Variants in CDH9 observed in about 807,000 individuals in gnomAD.
CDH9 encodes cadherin 9, also known as cadherin-9.
CDH9 carries 28 observed loss-of-function variants against 70.9 expected under a neutral mutation model. That is an observed-to-expected ratio of 0.40 (90% CI 0.29 to 0.54). The LOEUF (loss-of-function observed/expected upper bound fraction) is 0.54, where lower values mean the gene tolerates loss of function less well. Ranked by LOEUF, CDH9 falls within the 20% of genes least tolerant of loss-of-function variation. The pLI is 0.59. For synonymous variants in CDH9, 409 were observed against 343.1 expected (o/e 1.19, Z -2.12); for missense variants, 874 against 984.4 (o/e 0.89, Z 1.50).
Position 27,014,076 on chromosome 5 carries a change from C to G in CDH9, c.-50+24387G>C, listed in dbSNP as rs116893739. On this transcript the variant is annotated intron_variant, in intron 1 of 11. Coordinates refer to ENST00000231021, the MANE Select transcript of CDH9 (RefSeq NM_016279.4). ...CATTCAACAGCTGTGATTGAACAGA[C>G]AAAAGCAAGGCCACTGTACATCTCA... Among the ~76,000 whole-genome samples, 33 of 152,066 alleles carry G rather than the reference C, an allele frequency of 2.2e-4. 1 individual carries two copies. In the East Asian group the frequency reaches 5.6e-3, roughly 26 times the overall value.
chr5:26,890,637 G>T (rs112654898), intron 7 of CDH9, 73 bp from the exon 8 acceptor site: 1 of 1,039,754 alleles, frequency 9.6e-7, no homozygotes, highest in Non-Finnish European at 1.5e-6. Context: ...TAAAGCTATA[G>T]GTAATTTCCA....
intron 1 of CDH9, among the ~76,000 whole-genome samples, chr5:27,005,591 G>C (rs918616450): frequency 6.6e-6 from 1 of 152,124 alleles, no homozygotes; most frequent in African/African-American, 2.4e-5. Flanking sequence ...TTCAACTACT[G>C]TGGAAAGCAG....
rs540009872 is a variant in CDH9 at position 26,929,372 on chromosome 5, G to A, written c.229-13448C>T. 9.2e-5 allele frequency among the ~76,000 whole-genome samples: 14 copies of A among 151,998 alleles called. No homozygotes were observed. The South Asian group carries it at 1.7e-3, about 18-fold the overall frequency. On this transcript the variant is annotated intron_variant, in intron 2 of 11. Coordinates refer to ENST00000231021, the MANE Select transcript of CDH9 (RefSeq NM_016279.4). ...TGGTGAGGATATCAGGAAAAGACAC[G>A]CCTTGTATATTGTTGGCAGGAATGT...
At chr5:27,030,441 G>C (rs1462652879) in intron 1 of CDH9, among the ~76,000 whole-genome samples, 1 of 151,080 alleles carries the variant, frequency 6.6e-6, no homozygotes, top group East Asian at 2.0e-4. Flanking sequence ...CGTCTTTGAA[G>C]TAAAAGAGTG....
chr5:27,024,838 G>T (rs940010086), intron 1 of CDH9, among the ~76,000 whole-genome samples: 4 of 152,182 alleles, frequency 2.6e-5, no homozygotes, highest in Admixed American at 6.6e-5. Context: ...CTCTGTAGCT[G>T]AAAACATAGG....
intron 1 of CDH9, among the ~76,000 whole-genome samples, chr5:27,024,717 T>C (rs1743193115): frequency 6.6e-6 from 1 of 152,124 alleles, no homozygotes; most frequent in Admixed American, 6.6e-5. Flanking sequence ...AACTGATATT[T>C]GGAGAAATGA....
chr5:26,897,788 T>G (rs1740779662), intron 7 of CDH9, among the ~76,000 whole-genome samples: 1 of 152,084 alleles, frequency 6.6e-6, no homozygotes, highest in African/African-American at 2.4e-5. Context: ...TCACCACTCC[T>G]ATTCATTCAA....
chr5:27,012,021 G>A (rs1742967788), intron 1 of CDH9, among the ~76,000 whole-genome samples: 1 of 151,860 alleles, frequency 6.6e-6, no homozygotes, highest in South Asian at 2.1e-4. Context: ...TTCCAAAACA[G>A]AATAGGGACT....
intron 1 of CDH9, among the ~76,000 whole-genome samples, chr5:26,998,695 C>T (rs1330012735): frequency 2.6e-5 from 4 of 151,078 alleles, no homozygotes; most frequent in East Asian, 2.0e-4. Context: ...CTGACCTGCA[C>T]GTTGTGCACA....
At chr5:26,967,371 C>T (rs1313414259) in intron 2 of CDH9, among the ~76,000 whole-genome samples, 1 of 152,174 alleles carries the variant, frequency 6.6e-6, no homozygotes, top group Non-Finnish European at 1.5e-5. Context: ...AGTAGACTTG[C>T]TCATGAGTTT....
intron 7 of CDH9, among the ~76,000 whole-genome samples, chr5:26,891,539 A>C (rs1208194518): frequency 6.6e-6 from 1 of 151,998 alleles, no homozygotes; most frequent in Non-Finnish European, 1.5e-5. Flanking sequence ...TTAGCCAGGC[A>C]TGGTGGCAGA....
At position 26,902,564 on chromosome 5, in the gene CDH9, A is replaced by G; in HGVS notation, c.1165T>C (p.Leu389=). The G allele has an allele frequency of 6.3e-7, 1 of 1,594,358 alleles. No homozygotes were observed. The highest frequency in any genetic ancestry group is 8.6e-7 in the Non-Finnish European group (1 of 1,162,402). ...TTTACATCTTCATCTACTTCTATCA[A>G]GTAAGAGACTTTAGTGAACACAGGA... ...EPPVFTKVSY[L]IEVDEDVKEG... Residue 389 remains leucine (L), a synonymous_variant, in exon 7 of 12, where the codon TTG becomes CTG. Coordinates refer to ENST00000231021, the MANE Select transcript of CDH9 (RefSeq NM_016279.4).
intron 7 of CDH9, among the ~76,000 whole-genome samples, chr5:26,900,839 A>G (rs1350380273): frequency 1.3e-5 from 2 of 152,058 alleles, no homozygotes; most frequent in East Asian, 3.9e-4. Flanking sequence ...AAAAACAGAC[A>G]CTTGTTGAGC....
At chr5:26,977,402 A>T (rs1292496885) in intron 2 of CDH9, among the ~76,000 whole-genome samples, 3 of 151,452 alleles carry the variant, frequency 2.0e-5, no homozygotes, top group Non-Finnish European at 4.4e-5. Context: ...AATATAATTG[A>T]CCGTTTTGTT....
chr5:26,881,390 G>A lies in CDH9; in HGVS notation c.2116C>T (p.Leu706=), dbSNP rs769076756. 6.2e-7 allele frequency: 1 copy of A among 1,613,502 alleles called. No individual in the cohort carries two copies. Among genetic ancestry groups the A allele is most frequent in the South Asian group, 1.1e-5 (1 of 91,068 alleles). The stretch of plus-strand genomic sequence containing the variant: ...TCTTGTACATCAATATTTTCCCACA[G>A]AGGCACAGTCCTCCTTATCTGAAAA... The part of the protein sequence containing the change: ...TIFQIRRTVP[L]WENIDVQDFI... The change falls in exon 12 of 12, where the codon CTG becomes TTG. Residue 706 remains leucine, a synonymous_variant. Coordinates refer to ENST00000231021, the MANE Select transcript of CDH9 (RefSeq NM_016279.4).
chr5:27,024,250 A>C (rs114021985), intron 1 of CDH9, among the ~76,000 whole-genome samples: 151 of 152,076 alleles, frequency 9.9e-4, no homozygotes, highest in African/African-American at 3.6e-3. Context: ...TGCCCTTGGA[A>C]AGTATGACTG....
At chr5:26,979,243 T>C (rs1478953267) in intron 2 of CDH9, among the ~76,000 whole-genome samples, 1 of 151,716 alleles carries the variant, frequency 6.6e-6, no homozygotes, top group East Asian at 1.9e-4. Flanking sequence ...AGATAAATTA[T>C]ACTATTGTAA....
intron 2 of CDH9, among the ~76,000 whole-genome samples, chr5:26,967,372 T>C (rs1227645519): frequency 6.6e-6 from 1 of 152,214 alleles, no homozygotes; most frequent in Non-Finnish European, 1.5e-5. Context: ...GTAGACTTGC[T>C]CATGAGTTTC....
chr5:26,973,047 A>G (rs1404215054), intron 2 of CDH9, among the ~76,000 whole-genome samples: 1 of 152,050 alleles, frequency 6.6e-6, no homozygotes, highest in Non-Finnish European at 1.5e-5. Flanking sequence ...TATTTTTAGT[A>G]GAGATGGGGT....
Sources: allele counts gnomAD v4.1 joint callset (sites outside exome capture counted in the v4.1 genomes callset), GRCh38; gene constraint gnomAD v4.1.1; transcripts MANE v1.5; gene names NCBI Gene and HGNC (gene_info 2026-07-23, HGNC 2026-07-21).